MAD1L1: variants seen among roughly 807,000 people sequenced by gnomAD.
MAD1L1 encodes mitotic spindle assembly checkpoint protein MAD1.
Under a neutral mutation model 96.9 loss-of-function variants are expected in MAD1L1, and 95 were observed. The observed-to-expected ratio is 0.98, with a 90% CI of 0.83 to 1.16. The LOEUF (loss-of-function observed/expected upper bound fraction) is 1.16, where lower values mean the gene tolerates loss of function less well. Among genes scored for constraint, MAD1L1 ranks in the 50% most tolerant of loss-of-function variants. The probability of loss-of-function intolerance (pLI) is 0.00; values close to 1 mark genes in which losing one functional copy is unlikely to be tolerated. For synonymous variants in MAD1L1, 473 were observed against 396.6 expected (o/e 1.19, Z -2.29); for missense variants, 1,007 against 954.4 (o/e 1.06, Z -0.73).
chr7:2,141,964 T>C (rs1463176405), intron 11 of MAD1L1, among the ~76,000 whole-genome samples: 1 of 152,176 alleles, frequency 6.6e-6, no homozygotes, highest in African/African-American at 2.4e-5. Flanking sequence ...GGGGCAGCCA[T>C]CACCGGCCAG....
chr7:2,214,234 G>A (rs545281181), intron 9 of MAD1L1, among the ~76,000 whole-genome samples: 52 of 152,194 alleles, frequency 3.4e-4, no homozygotes, highest in Non-Finnish European at 6.8e-4. Context: ...ACCCAACTAC[G>A]GAATGTGGCT....
intron 16 of MAD1L1, among the ~76,000 whole-genome samples, chr7:1,953,932 C>T (rs1000498735): frequency 6.6e-6 from 1 of 152,184 alleles, no homozygotes; most frequent in Non-Finnish European, 1.5e-5. Flanking sequence ...ATGCGCCCGC[C>T]CAGCCAGAAG....
At chr7:1,827,411 G>T (rs1336022998) in intron 18 of MAD1L1, among the ~76,000 whole-genome samples, 3 of 151,076 alleles carry the variant, frequency 2.0e-5, no homozygotes, top group South Asian at 4.2e-4. Flanking sequence ...CCAGGTGTGG[G>T]GTCCTCCCCT....
chr7:1,941,138 G>A (rs1191573839), intron 16 of MAD1L1, among the ~76,000 whole-genome samples: 2 of 152,228 alleles, frequency 1.3e-5, no homozygotes, highest in Admixed American at 1.3e-4. Flanking sequence ...CAGATAGGGG[G>A]ACTTGCAGGA....
intron 18 of MAD1L1, chr7:1,874,693 G>A (rs1400814863): frequency 2.2e-5 from 8 of 369,586 alleles, no homozygotes; most frequent in African/African-American, 6.4e-5. Context: ...CTACCTGCTC[G>A]ATTGGGGCCT....
At position 2,172,645 on chromosome 7, in the gene MAD1L1, G is replaced by A. The variant is rs116043508; in HGVS notation, c.987-23407C>T. On this transcript the variant is annotated intron_variant, in intron 10 of 18. Transcript: ENST00000265854. ...CTTCCCAGCAGCATCCAGCAAAGCC[G>A]TCAGTAGTCCTCGTGGTGCCAGCTC... is the stretch of plus-strand genomic sequence containing the variant. 7.9e-3 allele frequency among the ~76,000 whole-genome samples: 1,202 copies of A among 152,356 alleles called. 15 individuals carry two copies. The highest frequency in any genetic ancestry group is 0.027 in the African/African-American group (1,128 of 41,590).
intron 12 of MAD1L1, among the ~76,000 whole-genome samples, chr7:2,029,383 G>A (rs775318994): frequency 1.3e-5 from 2 of 152,126 alleles, no homozygotes; most frequent in Non-Finnish European, 2.9e-5. Flanking sequence ...TGTGAGAATC[G>A]GGAAGGCAGG....
At chr7:1,850,148 C>T (rs1583552497) in intron 18 of MAD1L1, among the ~76,000 whole-genome samples, 1 of 152,176 alleles carries the variant, frequency 6.6e-6, no homozygotes, top group Admixed American at 6.5e-5. Flanking sequence ...TGAGCGGCGG[C>T]CGGGGCAGCG....
At chr7:2,195,087 CA>C (rs36028754) in intron 10 of MAD1L1, among the ~76,000 whole-genome samples, 3,150 of 127,860 alleles carry the variant, frequency 0.025, 49 homozygotes, top group African/African-American at 0.056. Context: ...GACTCTGTCT[CA>C]AAAAAAAAAA....
At chr7:1,969,719 T>C (rs1433439099) in intron 15 of MAD1L1, among the ~76,000 whole-genome samples, 2 of 152,154 alleles carry the variant, frequency 1.3e-5, no homozygotes, top group East Asian at 3.9e-4. Context: ...TTCCCTGTAT[T>C]AGGAACAAGC....
chr7:1,974,530 C>T (rs892214045), intron 15 of MAD1L1, among the ~76,000 whole-genome samples: 2 of 152,166 alleles, frequency 1.3e-5, no homozygotes, highest in African/African-American at 4.8e-5. Context: ...CAGAAACAGA[C>T]TCTCAGGAAA....
intron 18 of MAD1L1, among the ~76,000 whole-genome samples, chr7:1,876,126 G>A (rs1785375421): frequency 1.3e-5 from 2 of 152,184 alleles, no homozygotes; most frequent in Admixed American, 6.5e-5. Context: ...TGGTGGACAC[G>A]GCCAGGTCTT....
intron 11 of MAD1L1, among the ~76,000 whole-genome samples, chr7:2,126,325 G>A (rs1049276253): frequency 1.4e-4 from 22 of 152,198 alleles, no homozygotes; most frequent in African/African-American, 5.1e-4. Context: ...GGTAACAAGG[G>A]CAGCTTCGAA....
chr7:1,922,167 G>A (rs1319390038), intron 17 of MAD1L1, among the ~76,000 whole-genome samples: 2 of 152,230 alleles, frequency 1.3e-5, no homozygotes, highest in East Asian at 3.9e-4. Flanking sequence ...AGAACCACTA[G>A]CATCACCAGC....
chr7:1,980,707 G>A, intron 14 of MAD1L1, 166 bp from the exon 15 acceptor site: 1 of 710,134 alleles, frequency 1.4e-6, no homozygotes, highest in Admixed American at 2.0e-5. Context: ...AGGCCAGACA[G>A]CACTCTAACT....
At chr7:1,997,852 C>T (rs570127382) in intron 14 of MAD1L1, among the ~76,000 whole-genome samples, 5 of 152,334 alleles carry the variant, frequency 3.3e-5, no homozygotes, top group African/African-American at 1.2e-4. Context: ...AAGAGGGGCA[C>T]ACAGCCAGCG....
At chr7:2,007,741 G>GA (rs1300320161) in intron 13 of MAD1L1, among the ~76,000 whole-genome samples, 1 of 152,212 alleles carries the variant, frequency 6.6e-6, no homozygotes, top group Non-Finnish European at 1.5e-5. Context: ...CCAAAGGAAT[G>GA]AAAACCTGCA....
chr7:1,917,235 C>T (rs575403610), intron 17 of MAD1L1, among the ~76,000 whole-genome samples: 1 of 152,200 alleles, frequency 6.6e-6, no homozygotes, highest in African/African-American at 2.4e-5. Flanking sequence ...TGGAGCCACC[C>T]GCCCTGCACT....
At chr7:2,223,803 G>C (rs1270567013) in intron 4 of MAD1L1, among the ~76,000 whole-genome samples, 1 of 152,104 alleles carries the variant, frequency 6.6e-6, no homozygotes, top group Non-Finnish European at 1.5e-5. Flanking sequence ...AGCGCAGACA[G>C]GGCAGCCAGC....
Sources: allele counts gnomAD v4.1 joint callset (sites outside exome capture counted in the v4.1 genomes callset), GRCh38; gene constraint gnomAD v4.1.1; transcripts MANE v1.5; gene names NCBI Gene and HGNC (gene_info 2026-07-23, HGNC 2026-07-21).